Variants in TRIM37 observed in about 807,000 individuals in gnomAD.
The protein encoded by TRIM37 is E3 ubiquitin-protein ligase TRIM37.
A neutral mutation model predicts 129.8 loss-of-function variants in TRIM37; 80 were observed. That is an observed-to-expected ratio of 0.62 (90% confidence interval 0.51 to 0.74). The LOEUF (loss-of-function observed/expected upper bound fraction) is 0.74. Among genes scored for constraint, TRIM37 ranks in the 30% least tolerant of loss-of-function variants. TRIM37 has a pLI of 0.00. For synonymous variants in TRIM37, 389 were observed against 387.1 expected (o/e 1.00, Z -0.06); for missense variants, 1,054 against 1,176.5 (o/e 0.90, Z 1.52).
intron 9 of TRIM37, among the ~76,000 whole-genome samples, chr17:59,068,448 T>C (rs555657324): frequency 1.2e-4 from 18 of 152,238 alleles, no homozygotes; most frequent in Non-Finnish European, 2.2e-4. Flanking sequence ...CTAATTTTTA[T>C]ATATGACCCT....
At chr17:59,060,612 T>C (rs1425196520) in intron 12 of TRIM37, among the ~76,000 whole-genome samples, 1 of 152,208 alleles carries the variant, frequency 6.6e-6, no homozygotes, top group Non-Finnish European at 1.5e-5. Context: ...TCTCAGGGAC[T>C]GAGGGAAACG....
intron 2 of TRIM37, among the ~76,000 whole-genome samples, chr17:59,093,949 C>T (rs942227689): frequency 6.6e-6 from 1 of 152,128 alleles, no homozygotes; most frequent in African/African-American, 2.4e-5. Context: ...GGCTTGAGTG[C>T]AGTGGTGCAA....
At chr17:59,004,016 G>C (rs2034142012) in intron 22 of TRIM37, among the ~76,000 whole-genome samples, 1 of 152,108 alleles carries the variant, frequency 6.6e-6, no homozygotes, top group Non-Finnish European at 1.5e-5. Context: ...GGCTGAGGAG[G>C]GAGGCCCACT....
chr17:59,034,977 CTCT>C (rs534728403), intron 17 of TRIM37, among the ~76,000 whole-genome samples: 119 of 152,200 alleles, frequency 7.8e-4, no homozygotes, highest in African/African-American at 2.6e-3. Flanking sequence ...TGCTCTTATG[CTCT>C]TCTTCTTTGG....
chr17:59,051,812 G>C (rs1279764691), intron 13 of TRIM37, among the ~76,000 whole-genome samples: 1 of 151,280 alleles, frequency 6.6e-6, no homozygotes, highest in Non-Finnish European at 1.5e-5. Flanking sequence ...CTCACTGCAA[G>C]CTCCACCTCC....
At chr17:59,057,488 G>A (rs8065740) in intron 12 of TRIM37, among the ~76,000 whole-genome samples, 1 of 152,214 alleles carries the variant, frequency 6.6e-6, no homozygotes, top group African/African-American at 2.4e-5. Context: ...GATTGCAGGC[G>A]TGAGCCACCA....
intron 7 of TRIM37, among the ~76,000 whole-genome samples, chr17:59,077,854 T>G (rs2146969538): frequency 6.9e-6 from 1 of 144,496 alleles, no homozygotes; most frequent in African/African-American, 2.6e-5. Flanking sequence ...TCAGGTGTGG[T>G]GGCTCACGCC....
chr17:59,072,469 T>G (rs1451737913), intron 8 of TRIM37, among the ~76,000 whole-genome samples: 1 of 152,166 alleles, frequency 6.6e-6, no homozygotes, highest in Non-Finnish European at 1.5e-5. Context: ...AGCTCACACC[T>G]GTAATCCCAG....
chr17:59,001,598 C>T lies in TRIM37; in HGVS notation c.2812G>A (p.Asp938Asn). Reference protein sequence around the residue: ...FMVMTQPPDEDTHSSFPDGEQ... With the variant: ...FMVMTQPPDENTHSSFPDGEQ... ...TGTAAAATGACATCATGTGCTGCACCTTCATCCGGGGGCTGTGTCATGACC... is the reference window on the plus strand; with the variant it reads ...TGTAAAATGACATCATGTGCTGCACTTTCATCCGGGGGCTGTGTCATGACC... The change falls in exon 23 of 24, where the codon GAT becomes AAT. Residue 938 changes from aspartate to asparagine, a missense_variant and splice_region_variant. Transcript: ENST00000262294. The T allele has an allele frequency of 6.2e-7, 1 of 1,614,018 alleles. No individual in the cohort carries two copies.
In TRIM37 at chr17:59,032,081, T is replaced by A; in HGVS notation, c.1763A>T (p.His588Leu). The change falls in exon 18 of 24, where the codon CAT becomes CTT. Residue 588 changes from histidine (H) to leucine (L), a missense_variant. This residue lies in a region of TRIM37 where 752 missense variants were observed against 870.8 expected (regional missense o/e 0.86). Transcript: ENST00000262294. The part of the protein sequence containing the change: ...AAAAGPAGSS[H>L]GYVGSSSRIS... Reference sequence around the variant, plus strand: ...TCTACTACTGGAACCCACATAACCATGGCTACTACCTGCAAAAGAGGCGTA... The same window carrying A: ...TCTACTACTGGAACCCACATAACCAAGGCTACTACCTGCAAAAGAGGCGTA... The A allele has an allele frequency of 6.2e-7, 1 of 1,613,820 alleles. No individual in the cohort carries two copies. Among genetic ancestry groups the A allele is most frequent in the African/African-American group, 1.3e-5 (1 of 75,036 alleles).
chr17:59,089,555 C>T (rs1248443244), intron 3 of TRIM37, among the ~76,000 whole-genome samples: 1 of 152,100 alleles, frequency 6.6e-6, no homozygotes, highest in Non-Finnish European at 1.5e-5. Flanking sequence ...GCAGGAGAAT[C>T]ACTTGAACCA....
chr17:59,057,078 A>G, intron 12 of TRIM37, 24 bp from the exon 13 acceptor site: 1 of 1,605,100 alleles, frequency 6.2e-7, no homozygotes, highest in East Asian at 2.2e-5. Context: ...ACAGACCATT[A>G]CTATACAGTT....
At chr17:59,073,418 C>A (rs2042550090) in intron 8 of TRIM37, among the ~76,000 whole-genome samples, 1 of 152,014 alleles carries the variant, frequency 6.6e-6, no homozygotes, top group Non-Finnish European at 1.5e-5. Context: ...CTTAGCCTCC[C>A]GAGTGGCTGG....
intron 11 of TRIM37, among the ~76,000 whole-genome samples, chr17:59,061,932 G>A (rs2877926): frequency 0.62 from 93,306 of 151,688 alleles, 28,850 homozygotes; most frequent in East Asian, 0.7. Flanking sequence ...TAATCACTCA[G>A]TAGATATCAA....
chr17:59,088,019 T>C (rs1270356897), intron 4 of TRIM37: 2 of 583,552 alleles, frequency 3.4e-6, no homozygotes, highest in African/African-American at 3.7e-5. Flanking sequence ...TCATTTACCT[T>C]TGTATGCCTA....
intron 18 of TRIM37, 60 bp from the exon 19 acceptor site, chr17:59,028,783 A>C: frequency 6.3e-7 from 1 of 1,578,528 alleles, no homozygotes; most frequent in Non-Finnish European, 8.7e-7. Flanking sequence ...AATCATTTGT[A>C]CCATGAATAT....
intron 22 of TRIM37, among the ~76,000 whole-genome samples, chr17:59,002,218 T>C (rs556789251): frequency 4.1e-4 from 63 of 152,316 alleles, no homozygotes; most frequent in African/African-American, 1.5e-3. Context: ...TTTTTGTGTA[T>C]GTCGGTTGAT....
rs1447388360 is a variant in TRIM37, at chr17:59,106,760, C to A, written c.-299G>T. On this transcript the variant is annotated 5_prime_UTR_variant, in exon 1 of 24. Transcript: ENST00000262294. ...GCAGCCGCGCCGGAACCTCGGCCCACGTGACGCGGGCGCGCGCCTATGGAA... is the reference window on the plus strand; with the variant it reads ...GCAGCCGCGCCGGAACCTCGGCCCAAGTGACGCGGGCGCGCGCCTATGGAA... 1.8e-6 allele frequency: 1 copy of A among 561,206 alleles called. No individual in the cohort carries two copies. The highest frequency in any genetic ancestry group is 1.9e-5 in the African/African-American group (1 of 51,398). 34.8% of individuals were successfully genotyped at this position (561,206 alleles called of 1,614,324 possible).
intron 19 of TRIM37, among the ~76,000 whole-genome samples, chr17:59,021,895 T>C (rs981136016): frequency 6.6e-6 from 1 of 151,898 alleles, no homozygotes; most frequent in Non-Finnish European, 1.5e-5. Flanking sequence ...TATATATACC[T>C]ACAATGTACC....
Sources: allele counts gnomAD v4.1 joint callset (sites outside exome capture counted in the v4.1 genomes callset), GRCh38; gene constraint gnomAD v4.1.1; regional missense constraint gnomAD v4.1.1; transcripts MANE v1.5; gene names NCBI Gene and HGNC (gene_info 2026-07-23, HGNC 2026-07-21).